The following MKLN1 variants were observed in gnomAD, a reference collection of about 807,000 sequenced individuals.
The protein encoded by MKLN1 is muskelin.
Under a neutral mutation model 99.0 loss-of-function variants are expected in MKLN1, and 18 were observed. The observed-to-expected ratio is 0.18, with a 90% confidence interval of 0.13 to 0.27. The LOEUF (loss-of-function observed/expected upper bound fraction) is 0.27, where lower values mean the gene tolerates loss of function less well. Among genes scored for constraint, MKLN1 ranks in the 10% least tolerant of loss-of-function variants. The pLI is 1.00. For missense variants in MKLN1, 621 were observed against 875.9 expected (o/e 0.71, Z 3.67); for synonymous variants, 288 against 293.2 (o/e 0.98, Z 0.18).
In MKLN1 at chr7:131,207,488, G is replaced by A. The variant is rs113764155; in HGVS notation, c.-179+4514G>A. Among the ~76,000 whole-genome samples the A allele has an allele frequency of 4.3e-3, 651 of 152,240 alleles. 5 individuals are homozygous for A. Among genetic ancestry groups the A allele is most frequent in the African/African-American group, 0.015 (618 of 41,542 alleles). On this transcript the variant is annotated intron_variant, in intron 3 of 7. Transcript: ENST00000416992. ...GTTGGGATTACAGGCATGAGCCACC[G>A]CGCTGGACTATGTGTGTTATTTATG...
At chr7:131,466,251 A>T in intron 14 of MKLN1, 25 bp from the exon 15 acceptor site, 1 of 1,536,934 alleles carries the variant, frequency 6.5e-7, no homozygotes, top group Non-Finnish European at 8.8e-7. Context: ...ATTTTTAAAA[A>T]TCTGGCTTAT....
chr7:131,187,086 C>T (rs1796462219), intron 2 of MKLN1, among the ~76,000 whole-genome samples: 1 of 152,208 alleles, frequency 6.6e-6, no homozygotes, highest in Admixed American at 6.5e-5. Context: ...TGACATCCAG[C>T]ATGCATTTGT....
intron 9 of MKLN1, among the ~76,000 whole-genome samples, chr7:131,431,244 C>T (rs1321080736): frequency 6.6e-6 from 1 of 151,492 alleles, no homozygotes; most frequent in African/African-American, 2.4e-5. Flanking sequence ...AAAAAAACAA[C>T]CAAAAACAAG....
At chr7:131,126,756 G>T (rs1584776873) in intron 1 of MKLN1, among the ~76,000 whole-genome samples, 2 of 152,302 alleles carry the variant, frequency 1.3e-5, no homozygotes, top group Non-Finnish European at 2.9e-5. Flanking sequence ...GTTTCACCCT[G>T]TTGGCCAGGC....
chr7:131,432,928 A>G (rs1251115929), intron 9 of MKLN1, among the ~76,000 whole-genome samples: 1 of 152,204 alleles, frequency 6.6e-6, no homozygotes, highest in Non-Finnish European at 1.5e-5. Flanking sequence ...TTAGTCATGT[A>G]AAAATAACTT....
intron 3 of MKLN1, among the ~76,000 whole-genome samples, chr7:131,228,455 G>A (rs934182784): frequency 3.3e-5 from 5 of 152,166 alleles, no homozygotes; most frequent in Admixed American, 1.3e-4. Context: ...GCTCTTGGGA[G>A]GAATCAAGAG....
chr7:131,279,930 A>G (rs1019084760), intron 3 of MKLN1, among the ~76,000 whole-genome samples: 2 of 152,136 alleles, frequency 1.3e-5, no homozygotes, highest in Non-Finnish European at 2.9e-5. Flanking sequence ...AAAGACCCCT[A>G]TACCCATCAG....
At chr7:131,435,148 A>G (rs1437819963) in intron 9 of MKLN1, among the ~76,000 whole-genome samples, 1 of 152,204 alleles carries the variant, frequency 6.6e-6, no homozygotes, top group Non-Finnish European at 1.5e-5. Flanking sequence ...TTCTGTTAAT[A>G]TGTCAGATTA....
chr7:131,370,560 G>A (rs1340176944), intron 1 of MKLN1, among the ~76,000 whole-genome samples: 2 of 148,946 alleles, frequency 1.3e-5, no homozygotes, highest in African/African-American at 2.5e-5. Flanking sequence ...GTAAAATTTC[G>A]CATACCTCAA....
intron 2 of MKLN1, among the ~76,000 whole-genome samples, chr7:131,176,490 G>A (rs1045657237): frequency 6.6e-6 from 1 of 152,102 alleles, no homozygotes; most frequent in African/African-American, 2.4e-5. Flanking sequence ...TGTCTTTTAA[G>A]CCTCATTTAC....
chr7:131,192,181 A>C lies in MKLN1; in HGVS notation c.-296-10676A>C, dbSNP rs191160298. 2.5e-4 allele frequency among the ~76,000 whole-genome samples: 24 copies of C among 95,466 alleles called. 6 individuals are homozygous for C. The highest frequency in any genetic ancestry group is 1.0e-3 in the African/African-American group (22 of 21,036). The allele number at this position is 95,466 out of a possible 152,430, so 62.6% of individuals were successfully genotyped here. On this transcript the variant is annotated intron_variant, in intron 2 of 7. Transcript: ENST00000416992. The stretch of plus-strand genomic sequence containing the variant: ...TATATACTTATGTATAATATATAAA[A>C]ATATATAAAATATAATATATACAAT...
At chr7:131,374,412 C>G (rs1000390112) in intron 1 of MKLN1, among the ~76,000 whole-genome samples, 1 of 152,110 alleles carries the variant, frequency 6.6e-6, no homozygotes, top group Non-Finnish European at 1.5e-5. Context: ...ACGGTAAACA[C>G]AAGTTTGCAC....
intron 3 of MKLN1, among the ~76,000 whole-genome samples, chr7:131,263,313 G>A (rs1797759693): frequency 6.8e-6 from 1 of 147,840 alleles, no homozygotes; most frequent in South Asian, 2.2e-4. Context: ...AGACCAGCCT[G>A]GACAATATAG....
intron 16 of MKLN1, among the ~76,000 whole-genome samples, chr7:131,477,280 C>T (rs1796993400): frequency 6.6e-6 from 1 of 152,008 alleles, no homozygotes; most frequent in Non-Finnish European, 1.5e-5. Flanking sequence ...GGTTCAGTGG[C>T]TCACACCAGT....
rs1794113324 is a variant in MKLN1, at chr7:131,388,919, C to T, written c.347C>T (p.Thr116Ile). The T allele has an allele frequency of 4.3e-6, 7 of 1,609,982 alleles. No homozygotes were observed. The South Asian group carries it at 7.7e-5, about 18-fold the overall frequency. Reference protein sequence around the residue: ...LKNDYNKETFTLKHKIDEQMF... With the variant: ...LKNDYNKETFILKHKIDEQMF... ...AATGATTATAACAAAGAAACATTCA[C>T]CTTGAAGCATAAAATTGATGAACAG... The change falls in exon 4 of 18, where the codon ACC (threonine) becomes ATC (isoleucine). Residue 116 changes from threonine to isoleucine, a missense_variant. Physicochemically the swap from Thr to Ile is moderately conservative, Grantham distance 89 (BLOSUM62 -1). Around this residue, in one of 8 missense-constraint regions of MKLN1, gnomAD observed 361 missense variants for 540.8 expected, o/e 0.67. Transcript: ENST00000352689.
At chr7:131,152,501 CT>C (rs5887498) in intron 2 of MKLN1, among the ~76,000 whole-genome samples, 67,024 of 125,840 alleles carry the variant, frequency 0.53, 17,795 homozygotes, top group Non-Finnish European at 0.64. Context: ...TTCTTTTTTT[CT>C]TTTTTTTTTT....
intron 17 of MKLN1, among the ~76,000 whole-genome samples, chr7:131,483,983 T>C (rs750223632): frequency 3.3e-5 from 5 of 152,146 alleles, no homozygotes; most frequent in African/African-American, 7.2e-5. Flanking sequence ...CTCATATAAA[T>C]ATATAGGTTT....
chr7:131,221,556 T>C (rs1797059762), intron 3 of MKLN1, among the ~76,000 whole-genome samples: 1 of 149,894 alleles, frequency 6.7e-6, no homozygotes, highest in Non-Finnish European at 1.5e-5. Context: ...TCACCCACGC[T>C]GGAGGGCAGT....
At chr7:131,415,207 A>G (rs999794804) in intron 8 of MKLN1, among the ~76,000 whole-genome samples, 2 of 151,876 alleles carry the variant, frequency 1.3e-5, no homozygotes, top group African/African-American at 2.4e-5. Context: ...CTTAATTACC[A>G]TAATATTTAG....
Sources: allele counts gnomAD v4.1 joint callset (sites outside exome capture counted in the v4.1 genomes callset), GRCh38; gene constraint gnomAD v4.1.1; regional missense constraint gnomAD v4.1.1; transcripts MANE v1.5; gene names NCBI Gene and HGNC (gene_info 2026-07-23, HGNC 2026-07-21).